Variants in WWC1 observed in about 807,000 individuals in gnomAD.
WWC1 encodes the protein protein KIBRA.
WWC1 carries 55 observed loss-of-function variants against 138.4 expected under a neutral mutation model. The observed-to-expected ratio is 0.40, with a 90% CI of 0.32 to 0.50. WWC1 has a LOEUF of 0.50. WWC1 is among the 20% of genes least tolerant of loss of function. The probability of loss-of-function intolerance (pLI) is 0.72; values close to 1 mark genes in which losing one functional copy is unlikely to be tolerated. For synonymous variants in WWC1, 524 were observed against 564.9 expected, an observed-to-expected ratio of 0.93 and a Z score of 1.03; for missense variants, 1,226 against 1,420.4, an observed-to-expected ratio of 0.86 and a Z score of 2.20.
intron 1 of WWC1, among the ~76,000 whole-genome samples, chr5:168,339,974 T>C (rs1773891667): frequency 9.1e-6 from 1 of 109,428 alleles, no homozygotes; most frequent in East Asian, 2.2e-4. Flanking sequence ...TCTCTGTCTC[T>C]CTTTCTCTCT....
chr5:168,394,589 G>C (rs1448288894), intron 3 of WWC1, among the ~76,000 whole-genome samples: 1 of 152,198 alleles, frequency 6.6e-6, no homozygotes, highest in Non-Finnish European at 1.5e-5. Flanking sequence ...AGCTGGGCGT[G>C]GTGGCAGGTG....
rs141619808 is a variant in WWC1 at position 168,455,495 on chromosome 5, G to A, written c.2798G>A (p.Gly933Glu). The A allele has an allele frequency of 6.2e-7, 1 of 1,613,040 alleles. No homozygotes were observed. Among genetic ancestry groups the A allele is most frequent in the Non-Finnish European group, 8.5e-7 (1 of 1,179,604 alleles). Reference sequence around the variant, plus strand: ...ATCCGCTCTAAGACCTTCTCCCCAGGACCCCAGAGCCAGTACGTGTGCCGG... The same window carrying A: ...ATCCGCTCTAAGACCTTCTCCCCAGAACCCCAGAGCCAGTACGTGTGCCGG... ...TIIRSKTFSP[G>E]PQSQYVCRLN... is the part of the protein sequence containing the mutation. Residue 933 changes from glycine to glutamate, a missense_variant, in exon 19 of 23, where the codon GGA (glycine) becomes GAA (glutamate). Coordinates refer to ENST00000265293, the MANE Select transcript of WWC1 (RefSeq NM_015238.3).
intron 1 of WWC1, among the ~76,000 whole-genome samples, chr5:168,331,714 G>A (rs539473889): frequency 3.3e-5 from 5 of 152,202 alleles, no homozygotes; most frequent in South Asian, 2.1e-4. Flanking sequence ...ATTGAAAACC[G>A]TGGAAAAACC....
At chr5:168,443,506 T>C (rs1266652524) in intron 16 of WWC1, among the ~76,000 whole-genome samples, 1 of 152,216 alleles carries the variant, frequency 6.6e-6, no homozygotes. Flanking sequence ...GACTGTGAGC[T>C]GATAAAGGTC....
intron 11 of WWC1, among the ~76,000 whole-genome samples, 193 bp downstream of exon 11, chr5:168,424,261 T>C (rs192440173): frequency 6.6e-5 from 10 of 152,346 alleles, no homozygotes; most frequent in Admixed American, 2.6e-4. Context: ...TGAAGGGTTT[T>C]CAGTAGTAGA....
At chr5:168,449,843 G>A (rs1019716153) in intron 17 of WWC1, among the ~76,000 whole-genome samples, 4 of 152,156 alleles carry the variant, frequency 2.6e-5, no homozygotes, top group Non-Finnish European at 5.9e-5. Flanking sequence ...CCAAAGTGCT[G>A]GGATTACAGG....
At chr5:168,463,492 G>A (rs1181154390) in intron 20 of WWC1, among the ~76,000 whole-genome samples, 1 of 152,170 alleles carries the variant, frequency 6.6e-6, no homozygotes, top group African/African-American at 2.4e-5. Context: ...GAAAAGCCCA[G>A]GCCATCTTTT....
intron 1 of WWC1, among the ~76,000 whole-genome samples, chr5:168,297,397 C>T (rs1232446900): frequency 2.6e-5 from 4 of 152,114 alleles, no homozygotes; most frequent in African/African-American, 7.2e-5. Context: ...GAGGCTGAGG[C>T]GGGCAGATCA....
intron 1 of WWC1, among the ~76,000 whole-genome samples, chr5:168,312,889 A>G (rs1315686830): frequency 6.7e-6 from 1 of 148,724 alleles, no homozygotes; most frequent in African/African-American, 2.5e-5. Context: ...GATCTCTGCA[A>G]CCTCCATCTC....
At chr5:168,389,781 T>G (rs1369135612) in intron 3 of WWC1, among the ~76,000 whole-genome samples, 2 of 152,128 alleles carry the variant, frequency 1.3e-5, no homozygotes, top group Non-Finnish European at 2.9e-5. Flanking sequence ...CATTAACATT[T>G]CAGTCTGGGT....
At chr5:168,441,928 A>G in intron 16 of WWC1, 94 bp downstream of exon 16, 2 of 1,485,382 alleles carry the variant, frequency 1.3e-6, no homozygotes, top group Non-Finnish European at 1.8e-6. Context: ...ATCAGGCGTC[A>G]TGAGAGGAGA....
In WWC1 at chr5:168,343,833, A is replaced by T. The variant is rs537678684; in HGVS notation, c.120-27591A>T. Among the ~76,000 whole-genome samples, 1,210 of 136,132 alleles carry T rather than the reference A, an allele frequency of 8.9e-3. 17 individuals are homozygous for T. Among genetic ancestry groups the T allele is most frequent in the African/African-American group, 0.031 (1,140 of 36,234 alleles). The allele number at this position is 136,132 out of a possible 152,430, so 89.3% of individuals were successfully genotyped here. A position where few individuals can be genotyped will look rare whatever the true frequency, so the allele number is the denominator to read the frequency against. ...CTATGTCTCAAAAAAAAAAAAAAAA[A>T]AGTTGAACTTTTGCTTCTGGGATGT... is the stretch of plus-strand genomic sequence containing the variant. On this transcript the variant is annotated intron_variant, in intron 1 of 22. Coordinates refer to ENST00000265293, the MANE Select transcript of WWC1 (RefSeq NM_015238.3).
intron 2 of WWC1, 80 bp from the exon 3 acceptor site, chr5:168,385,131 T>G: frequency 6.8e-7 from 1 of 1,475,400 alleles, no homozygotes; most frequent in Non-Finnish European, 9.2e-7. Flanking sequence ...CTTTTTGTTT[T>G]CTGCTAGTGG....
intron 17 of WWC1, among the ~76,000 whole-genome samples, chr5:168,448,714 G>T (rs185083608): frequency 6.7e-6 from 1 of 148,722 alleles, no homozygotes; most frequent in Non-Finnish European, 1.5e-5. Context: ...CGCCACCTGG[G>T]TTCACGCCAT....
intron 3 of WWC1, among the ~76,000 whole-genome samples, chr5:168,388,551 C>T (rs1207888004): frequency 3.9e-5 from 6 of 152,036 alleles, no homozygotes; most frequent in African/African-American, 7.2e-5. Context: ...AAAACTCAGT[C>T]GGGCACAGTG....
intron 1 of WWC1, among the ~76,000 whole-genome samples, chr5:168,297,903 G>C (rs887067056): frequency 4.6e-5 from 7 of 152,166 alleles, no homozygotes; most frequent in Non-Finnish European, 2.9e-5. Flanking sequence ...TTTGTGAGTT[G>C]TGTCATAGGA....
chr5:168,312,180 A>G (rs1771159975), intron 1 of WWC1, among the ~76,000 whole-genome samples: 1 of 152,004 alleles, frequency 6.6e-6, no homozygotes, highest in African/African-American at 2.4e-5. Flanking sequence ...TTGCACCATT[A>G]CACTCTAGCC....
intron 5 of WWC1, among the ~76,000 whole-genome samples, chr5:168,403,871 T>TACACAC (rs57788100): frequency 0.018 from 2,453 of 134,374 alleles, 51 homozygotes; most frequent in African/African-American, 0.036. Context: ...AACACATGCA[T>TACACAC]ACACACACAC....
rs1453836876 is a variant in WWC1 at position 168,471,843 on chromosome 5, TG to T, written c.*2827del. 6.6e-6 allele frequency: 1 copy of T among 152,140 alleles called. No homozygotes were observed. The highest frequency in any genetic ancestry group is 1.5e-5 in the Non-Finnish European group (1 of 68,050). The allele number at this position is 152,140 out of a possible 1,614,324, so 9.4% of individuals were successfully genotyped here. ...GCAAGAGATGGAGACAGAATGGGGGTGTCCTGGGGATCTTGGAGCCTGAATT... is the reference window on the plus strand; with the variant it reads ...GCAAGAGATGGAGACAGAATGGGGGTTCCTGGGGATCTTGGAGCCTGAATT... On this transcript the variant is annotated 3_prime_UTR_variant, in exon 23 of 23. Coordinates refer to ENST00000265293, the MANE Select transcript of WWC1 (RefSeq NM_015238.3).
Sources: allele counts gnomAD v4.1 joint callset (sites outside exome capture counted in the v4.1 genomes callset), GRCh38; gene constraint gnomAD v4.1.1; transcripts MANE v1.5; gene names NCBI Gene and HGNC (gene_info 2026-07-23, HGNC 2026-07-21).